Variants in PLEKHM3 observed in about 807,000 individuals in gnomAD.
The protein encoded by PLEKHM3 is pleckstrin homology domain-containing family M member 3.
A neutral mutation model predicts 81.8 loss-of-function variants in PLEKHM3; 45 were observed. That is an observed-to-expected ratio of 0.55 (90% CI 0.43 to 0.71). PLEKHM3 has a LOEUF of 0.71. PLEKHM3 is among the 30% of genes least tolerant of loss of function. The probability of loss-of-function intolerance (pLI) is 0.00; values close to 1 mark genes in which losing one functional copy is unlikely to be tolerated. For synonymous variants in PLEKHM3, 352 were observed against 356.4 expected (o/e 0.99, Z 0.14); for missense variants, 788 against 924.3 (o/e 0.85, Z 1.91).
At chr2:207,917,636 G>A (rs2105915411) in intron 5 of PLEKHM3, among the ~76,000 whole-genome samples, 1 of 152,120 alleles carries the variant, frequency 6.6e-6, no homozygotes, top group Admixed American at 6.5e-5. Flanking sequence ...AAACCCAGGA[G>A]TTTGAGAGGA....
intron 4 of PLEKHM3, among the ~76,000 whole-genome samples, chr2:207,935,874 G>A (rs1689734818): frequency 6.6e-6 from 1 of 152,170 alleles, no homozygotes; most frequent in Non-Finnish European, 1.5e-5. Flanking sequence ...ATGTAATTAA[G>A]CAGGACACTG....
In PLEKHM3 at chr2:207,823,853, C is replaced by A. The variant is rs1035801359; in HGVS notation, c.*4466G>T. ...TGACTTGGATTTTCCCTCAGCCATG[C>A]ACCCATTAAAACGCACTAAGGAAAG... On this transcript the variant is annotated 3_prime_UTR_variant, in exon 8 of 8. Transcript: ENST00000427836. 1 of 152,226 alleles carries A rather than the reference C, an allele frequency of 6.6e-6. No homozygotes were observed. The highest frequency in any genetic ancestry group is 2.4e-5 in the African/African-American group (1 of 41,456). 9.4% of individuals were successfully genotyped at this position (152,226 alleles called of 1,614,324 possible).
Position 207,828,298 on chromosome 2 carries a change from TGG to T in PLEKHM3, c.*19_*20del, listed in dbSNP as rs1196273486. On this transcript the variant is annotated 3_prime_UTR_variant, in exon 8 of 8. Transcript: ENST00000427836. ...GATGGATTGTTGATTGGTGAATCCC[TGG>T]CCTTCGGGTCGGCTGGAGTCAGGTG... 3 of 1,599,230 alleles carry T rather than the reference TGG, an allele frequency of 1.9e-6. No individual in the cohort carries two copies. In the African/African-American group the frequency reaches 4.0e-5, roughly 21 times the overall value.
intron 6 of PLEKHM3, among the ~76,000 whole-genome samples, chr2:207,898,804 G>C (rs1046509380): frequency 6.6e-5 from 10 of 152,162 alleles, no homozygotes; most frequent in Non-Finnish European, 1.5e-4. Context: ...GCTGAGATGG[G>C]AGGATTGCTC....
chr2:208,014,414 C>T (rs1298461449), intron 1 of PLEKHM3, among the ~76,000 whole-genome samples: 1 of 152,158 alleles, frequency 6.6e-6, no homozygotes, highest in Admixed American at 6.5e-5. Context: ...GAGGCCGAGG[C>T]GGGCAGATCA....
chr2:208,022,022 T>G (rs1385479530), intron 1 of PLEKHM3, among the ~76,000 whole-genome samples: 3 of 152,240 alleles, frequency 2.0e-5, no homozygotes, highest in African/African-American at 7.2e-5. Context: ...TTTTAAAATA[T>G]TTCTGATAAA....
At chr2:207,888,319 G>T (rs938193514) in intron 6 of PLEKHM3, among the ~76,000 whole-genome samples, 1 of 151,310 alleles carries the variant, frequency 6.6e-6, no homozygotes, top group African/African-American at 2.4e-5. Context: ...ATTCTTTCTT[G>T]ATGAATGTTG....
chr2:207,852,165 T>C (rs559912107), intron 7 of PLEKHM3, among the ~76,000 whole-genome samples: 1 of 152,322 alleles, frequency 6.6e-6, no homozygotes, highest in African/African-American at 2.4e-5. Flanking sequence ...GCAAAATGTT[T>C]TGAAGACTAC....
chr2:207,894,746 ATTC>A (rs1688166922), intron 6 of PLEKHM3, among the ~76,000 whole-genome samples: 1 of 152,176 alleles, frequency 6.6e-6, no homozygotes, highest in Admixed American at 6.5e-5. Flanking sequence ...GGCAGTATTC[ATTC>A]TTCTTTCTTT....
intron 7 of PLEKHM3, among the ~76,000 whole-genome samples, chr2:207,840,445 C>T (rs892928111): frequency 1.3e-5 from 2 of 152,218 alleles, no homozygotes; most frequent in Non-Finnish European, 2.9e-5. Context: ...GATCTCCTGC[C>T]TTGGCCTCCC....
At chr2:207,994,795 T>C (rs1260750398) in intron 2 of PLEKHM3, among the ~76,000 whole-genome samples, 1 of 152,202 alleles carries the variant, frequency 6.6e-6, no homozygotes, top group Non-Finnish European at 1.5e-5. Context: ...CCTCAGATGA[T>C]GGAAATGGTG....
chr2:207,973,518 C>T (rs1403202298), intron 3 of PLEKHM3, among the ~76,000 whole-genome samples: 1 of 152,150 alleles, frequency 6.6e-6, no homozygotes, highest in Non-Finnish European at 1.5e-5. Context: ...GCAAGCGGAT[C>T]ACCTGAGGTC....
intron 2 of PLEKHM3, among the ~76,000 whole-genome samples, chr2:207,978,494 T>A (rs1033996690): frequency 6.6e-6 from 1 of 152,122 alleles, no homozygotes; most frequent in East Asian, 1.9e-4. Context: ...GAAGGGTCAA[T>A]GAATAGGAGC....
chr2:208,009,315 T>C (rs1279503612), intron 1 of PLEKHM3, among the ~76,000 whole-genome samples: 1 of 152,130 alleles, frequency 6.6e-6, no homozygotes, highest in Admixed American at 6.5e-5. Flanking sequence ...GAAATTCTAT[T>C]CTTCAAGGCC....
intron 1 of PLEKHM3, among the ~76,000 whole-genome samples, chr2:208,016,649 CA>C (rs1234374383): frequency 0.076 from 5,055 of 66,250 alleles, 499 homozygotes; most frequent in African/African-American, 0.21. Flanking sequence ...GACTTTGTCT[CA>C]AAAAAAAAAA....
rs781356986 is a variant in PLEKHM3, at chr2:207,946,347, A to G, written c.1692+20T>C. ...ACACCTGAATTATTATTATTAAGTG[A>G]ACTGAGTTTTTGTACCTACCTTATA... On this transcript the variant is annotated intron_variant, in intron 4 of 7. Transcript: ENST00000427836. The G allele has an allele frequency of 5.6e-6, 9 of 1,604,850 alleles. No homozygotes were observed. In the East Asian group the frequency reaches 1.8e-4, roughly 32 times the overall value.
chr2:207,987,565 T>C (rs1691769812), intron 2 of PLEKHM3, among the ~76,000 whole-genome samples: 1 of 152,194 alleles, frequency 6.6e-6, no homozygotes, highest in Admixed American at 6.5e-5. Context: ...ACTGGGGTGT[T>C]GCTGTGGTAG....
At chr2:207,899,534 G>A (rs951939478) in intron 6 of PLEKHM3, among the ~76,000 whole-genome samples, 1 of 152,172 alleles carries the variant, frequency 6.6e-6, no homozygotes, top group Non-Finnish European at 1.5e-5. Flanking sequence ...AATGAATAGG[G>A]AGAAAACACC....
At chr2:207,992,402 C>T (rs571440196) in intron 2 of PLEKHM3, among the ~76,000 whole-genome samples, 7 of 152,284 alleles carry the variant, frequency 4.6e-5, no homozygotes, top group African/African-American at 9.6e-5. Context: ...ATAAAATTAT[C>T]GCTCATTAAG....
Sources: allele counts gnomAD v4.1 joint callset (sites outside exome capture counted in the v4.1 genomes callset), GRCh38; gene constraint gnomAD v4.1.1; transcripts MANE v1.5; gene names NCBI Gene and HGNC (gene_info 2026-07-23, HGNC 2026-07-21).